The following CPEB3 variants were observed in gnomAD, a reference collection of about 807,000 sequenced individuals.
CPEB3 encodes cytoplasmic polyadenylation element-binding protein 3.
In CPEB3, 20 loss-of-function variants were observed where a neutral mutation model predicts 67.2. That is an observed-to-expected ratio of 0.30 (90% confidence interval 0.21 to 0.43). The LOEUF (loss-of-function observed/expected upper bound fraction) is 0.43. Among genes scored for constraint, CPEB3 ranks in the 20% least tolerant of loss-of-function variants. The pLI is 1.00. For missense variants in CPEB3, 746 were observed against 968.6 expected (o/e 0.77, Z 3.05); for synonymous variants, 376 against 393.1 (o/e 0.96, Z 0.51).
At chr10:92,224,806 A>G (rs909502417) in intron 2 of CPEB3, among the ~76,000 whole-genome samples, 14 of 151,354 alleles carry the variant, frequency 9.2e-5, no homozygotes, top group African/African-American at 3.4e-4. Context: ...TGATCATGCC[A>G]CTGTGCTCTG....
rs371902481 is a variant in CPEB3, at chr10:92,143,135, G to A, written c.1364-17C>T. On this transcript the variant is annotated splice_polypyrimidine_tract_variant and intron_variant, in intron 5 of 9. Transcript: ENST00000265997. The stretch of plus-strand genomic sequence containing the variant: ...TGATCTCATCTACAAAACAAAGAAA[G>A]AATCTTAGCAAAAGAGAAAAAAATA... The A allele has an allele frequency of 6.3e-7, 1 of 1,594,230 alleles. No individual in the cohort carries two copies. The highest frequency in any genetic ancestry group is 8.6e-7 in the Non-Finnish European group (1 of 1,166,146).
chr10:92,143,105 G>T lies in CPEB3; in HGVS notation c.1377C>A (p.Ala459=). 1.2e-6 allele frequency: 2 copies of T among 1,612,528 alleles called. No individual in the cohort carries two copies. The highest frequency in any genetic ancestry group is 1.7e-6 in the Non-Finnish European group (2 of 1,179,102). ...CGAGAGGTCCAAACCTGCGAAAGCT[G>T]GCAGTGATCTCATCTACAAAACAAA... ...PPDIDEDEIT[A]SFRRFGPLVV... The change falls in exon 6 of 10, where the codon GCC becomes GCA. Residue 459 remains alanine, a synonymous_variant. Transcript: ENST00000265997.
At chr10:92,183,898 T>C (rs1189624350) in intron 3 of CPEB3, among the ~76,000 whole-genome samples, 1 of 152,222 alleles carries the variant, frequency 6.6e-6, no homozygotes, top group Non-Finnish European at 1.5e-5. Flanking sequence ...CGGTAAAGAA[T>C]TATGTAGTTT....
chr10:92,264,764 C>G (rs1033152104), intron 1 of CPEB3, among the ~76,000 whole-genome samples: 2 of 151,284 alleles, frequency 1.3e-5, no homozygotes, highest in African/African-American at 4.9e-5. Context: ...AAAAACACAG[C>G]TGGATGGCCG....
intron 3 of CPEB3, among the ~76,000 whole-genome samples, chr10:92,185,057 C>T (rs1848625641): frequency 6.6e-6 from 1 of 151,966 alleles, no homozygotes; most frequent in African/African-American, 2.4e-5. Flanking sequence ...CAGAAGAGGC[C>T]ATTTCTTTTT....
At chr10:92,059,774 T>C (rs186634556) in intron 9 of CPEB3, among the ~76,000 whole-genome samples, 118 of 152,144 alleles carry the variant, frequency 7.8e-4, no homozygotes, top group Non-Finnish European at 1.4e-3. Flanking sequence ...CTGACCCACA[T>C]GGTGAAACCC....
chr10:92,241,058 T>TA (rs1026123326), intron 1 of CPEB3, among the ~76,000 whole-genome samples: 109 of 151,926 alleles, frequency 7.2e-4, no homozygotes, highest in Non-Finnish European at 4.9e-4. Flanking sequence ...CAGTTAATTT[T>TA]AAAAAAAACG....
At chr10:92,212,201 C>T (rs1361423582) in intron 2 of CPEB3, among the ~76,000 whole-genome samples, 1 of 146,996 alleles carries the variant, frequency 6.8e-6, no homozygotes, top group Non-Finnish European at 1.5e-5. Context: ...TGTTTTAAGA[C>T]AATAAATTCT....
chr10:92,208,722 T>C (rs1849917180), intron 2 of CPEB3, among the ~76,000 whole-genome samples: 1 of 151,976 alleles, frequency 6.6e-6, no homozygotes, highest in East Asian at 1.9e-4. Flanking sequence ...GCCTCCCAAG[T>C]AGCTGAGACC....
intron 1 of CPEB3, among the ~76,000 whole-genome samples, chr10:92,273,068 C>T (rs951518985): frequency 6.6e-6 from 1 of 152,086 alleles, no homozygotes; most frequent in African/African-American, 2.4e-5. Flanking sequence ...ATAAACGAAC[C>T]AGACTTGGTG....
In CPEB3 at chr10:92,277,799, G is replaced by A. The variant is rs555924442; in HGVS notation, c.-12+13127C>T. On this transcript the variant is annotated intron_variant, in intron 1 of 9. Transcript: ENST00000265997. ...CCAGCTACTCGGGAGGCTGAGGCAG[G>A]AGAATCGCTTGAACGCGGGAGGTGG... Among the ~76,000 whole-genome samples the A allele has an allele frequency of 1.1e-4, 17 of 152,078 alleles. No homozygotes were observed. The South Asian group carries it at 2.9e-3, about 26-fold the overall frequency.
intron 9 of CPEB3, among the ~76,000 whole-genome samples, chr10:92,075,103 T>C (rs1842886517): frequency 1.3e-5 from 2 of 152,202 alleles, no homozygotes; most frequent in Non-Finnish European, 2.9e-5. Flanking sequence ...TCCACTTCTC[T>C]TAGTCCTCCC....
intron 2 of CPEB3, among the ~76,000 whole-genome samples, chr10:92,229,153 A>C (rs1295842322): frequency 6.6e-6 from 1 of 151,964 alleles, no homozygotes; most frequent in Non-Finnish European, 1.5e-5. Context: ...CCTCCTGAGT[A>C]GCTAGAACTA....
chr10:92,145,142 A>G, intron 4 of CPEB3, 57 bp from the exon 5 acceptor site: 1 of 1,597,220 alleles, frequency 6.3e-7, no homozygotes, highest in Non-Finnish European at 8.6e-7. Flanking sequence ...TTCTATAATT[A>G]AAATGATTTT....
At chr10:92,273,415 G>T (rs1382078837) in intron 1 of CPEB3, among the ~76,000 whole-genome samples, 1 of 151,910 alleles carries the variant, frequency 6.6e-6, no homozygotes, top group Non-Finnish European at 1.5e-5. Context: ...TTGAATAGTC[G>T]ATTGTCTTCA....
intron 9 of CPEB3, among the ~76,000 whole-genome samples, chr10:92,053,550 T>G (rs1841993014): frequency 4.1e-5 from 6 of 147,988 alleles, no homozygotes; most frequent in Admixed American, 2.7e-4. Context: ...TTTTCTTTTT[T>G]TTTTTTTTTG....
At chr10:92,276,481 G>T (rs879876793) in intron 1 of CPEB3, among the ~76,000 whole-genome samples, 8 of 151,682 alleles carry the variant, frequency 5.3e-5, no homozygotes, top group Non-Finnish European at 1.0e-4. Context: ...GTTTCGCCAT[G>T]TTGGCCAGGC....
chr10:92,211,717 A>C (rs1850095917), intron 2 of CPEB3, among the ~76,000 whole-genome samples: 1 of 144,746 alleles, frequency 6.9e-6, no homozygotes, highest in Non-Finnish European at 1.5e-5. Context: ...TTTTGTGTGT[A>C]TTTTTAGTAG....
At chr10:92,237,054 A>G (rs1851573430) in intron 2 of CPEB3, among the ~76,000 whole-genome samples, 1 of 152,212 alleles carries the variant, frequency 6.6e-6, no homozygotes, top group Non-Finnish European at 1.5e-5. Context: ...ACCACTTAAG[A>G]TATTTTCTTC....
Sources: allele counts gnomAD v4.1 joint callset (sites outside exome capture counted in the v4.1 genomes callset), GRCh38; gene constraint gnomAD v4.1.1; transcripts MANE v1.5; gene names NCBI Gene and HGNC (gene_info 2026-07-23, HGNC 2026-07-21).